The following PRKN variants were observed in gnomAD, a reference collection of about 807,000 sequenced individuals.
PRKN encodes E3 ubiquitin-protein ligase parkin.
In PRKN, 56 loss-of-function variants were observed where a neutral mutation model predicts 59.5. The observed-to-expected ratio is 0.94, with a 90% confidence interval of 0.76 to 1.18. The LOEUF (loss-of-function observed/expected upper bound fraction) is 1.18, where lower values mean the gene tolerates loss of function less well. PRKN is among the 50% of genes most tolerant of loss of function. The probability of loss-of-function intolerance (pLI) is 0.00; values close to 1 mark genes in which losing one functional copy is unlikely to be tolerated. For synonymous variants in PRKN, 250 were observed against 222.1 expected (o/e 1.13, Z -1.12); for missense variants, 657 against 596.4 (o/e 1.10, Z -1.06).
intron 7 of PRKN, among the ~76,000 whole-genome samples, chr6:161,649,220 C>T (rs1784066147): frequency 6.6e-6 from 1 of 152,206 alleles, no homozygotes; most frequent in Non-Finnish European, 1.5e-5. Flanking sequence ...ATTTGCATGA[C>T]TGACCCCCTC....
intron 5 of PRKN, among the ~76,000 whole-genome samples, chr6:161,981,686 C>G (rs56362106): frequency 0.056 from 8,451 of 152,260 alleles, 344 homozygotes; most frequent in Middle Eastern, 0.1. Context: ...GTTCGACTTA[C>G]TGGGTATTAC....
intron 4 of PRKN, among the ~76,000 whole-genome samples, chr6:162,074,711 G>A (rs921601376): frequency 4.6e-5 from 7 of 152,026 alleles, no homozygotes; most frequent in Non-Finnish European, 7.4e-5. Context: ...ATGCAGCTCC[G>A]CTGGGTTTTG....
At chr6:162,556,129 C>T (rs530045637) in intron 1 of PRKN, among the ~76,000 whole-genome samples, 83 of 152,188 alleles carry the variant, frequency 5.5e-4, no homozygotes, top group African/African-American at 1.9e-3. Flanking sequence ...TACATCCGTA[C>T]TGTGTGAAGC....
At chr6:162,075,211 A>T (rs1247544600) in intron 4 of PRKN, among the ~76,000 whole-genome samples, 1 of 152,180 alleles carries the variant, frequency 6.6e-6, no homozygotes, top group Admixed American at 6.5e-5. Context: ...AATCTATTTG[A>T]ATAATATTTA....
At chr6:162,641,245 C>T (rs1777946720) in intron 1 of PRKN, among the ~76,000 whole-genome samples, 1 of 151,854 alleles carries the variant, frequency 6.6e-6, no homozygotes, top group African/African-American at 2.4e-5. Context: ...TGAAACAAAC[C>T]CAATTATTTC....
At chr6:162,342,522 G>T (rs1211396004) in intron 2 of PRKN, among the ~76,000 whole-genome samples, 1 of 152,112 alleles carries the variant, frequency 6.6e-6, no homozygotes, top group Non-Finnish European at 1.5e-5. Context: ...TAAGAAGTCA[G>T]GTCACTTGCC....
At chr6:162,587,550 T>C (rs976596956) in intron 1 of PRKN, among the ~76,000 whole-genome samples, 1 of 152,148 alleles carries the variant, frequency 6.6e-6, no homozygotes, top group African/African-American at 2.4e-5. Flanking sequence ...CGGGAACAAA[T>C]GGTAGTCCTT....
intron 7 of PRKN, among the ~76,000 whole-genome samples, chr6:161,610,976 T>A (rs1197767324): frequency 1.3e-5 from 2 of 152,142 alleles, no homozygotes; most frequent in Non-Finnish European, 2.9e-5. Flanking sequence ...ACTGGAGCAT[T>A]TTGAGGGCGG....
intron 1 of PRKN, among the ~76,000 whole-genome samples, chr6:162,541,812 C>T (rs982135548): frequency 4.6e-5 from 7 of 151,906 alleles, no homozygotes; most frequent in Admixed American, 2.0e-4. Flanking sequence ...GAGTTAAAAA[C>T]GAAGCCACTT....
At position 161,569,312 on chromosome 6, in the gene PRKN, T is replaced by C. The variant is rs77112335; in HGVS notation, c.933+43A>G. ...GCCCAAACTGTCTCATTAGCGTCTA[T>C]CTTTCATGACAGTCTGATGCAGCCT... On this transcript the variant is annotated intron_variant, in intron 8 of 11. Transcript: ENST00000366898. 3,534 of 1,568,818 alleles carry C rather than the reference T, an allele frequency of 2.3e-3. 82 individuals are homozygous for C. The African/African-American group carries it at 0.04, about 18-fold the overall frequency.
chr6:162,439,634 A>ATTTT (rs1485266668), intron 2 of PRKN, among the ~76,000 whole-genome samples: 3 of 151,828 alleles, frequency 2.0e-5, no homozygotes, highest in Non-Finnish European at 2.9e-5. Context: ...TTATATGCAG[A>ATTTT]TTTTCTTCTG....
At chr6:162,690,957 C>T (rs529265578) in intron 1 of PRKN, among the ~76,000 whole-genome samples, 1 of 152,206 alleles carries the variant, frequency 6.6e-6, no homozygotes, top group South Asian at 2.1e-4. Context: ...TGCCTTCATG[C>T]TACAGTAAAT....
chr6:161,585,088 A>T (rs1372758293), intron 7 of PRKN, among the ~76,000 whole-genome samples: 2 of 152,218 alleles, frequency 1.3e-5, no homozygotes, highest in African/African-American at 4.8e-5. Context: ...AAGCCCGGTT[A>T]TCTAATTTAT....
At chr6:161,476,136 G>A (rs1457182957) in intron 9 of PRKN, among the ~76,000 whole-genome samples, 3 of 151,232 alleles carry the variant, frequency 2.0e-5, no homozygotes, top group Admixed American at 6.6e-5. Flanking sequence ...GCAGTGAGCC[G>A]AGATCGCGCC....
intron 7 of PRKN, among the ~76,000 whole-genome samples, chr6:161,610,752 A>G (rs929929065): frequency 6.6e-6 from 1 of 152,118 alleles, no homozygotes; most frequent in Non-Finnish European, 1.5e-5. Context: ...AGCTGTGCAC[A>G]GTGCCCAGGA....
At chr6:161,599,117 C>T (rs971552312) in intron 7 of PRKN, among the ~76,000 whole-genome samples, 1 of 152,180 alleles carries the variant, frequency 6.6e-6, no homozygotes, top group African/African-American at 2.4e-5. Context: ...TTCCCAGAGC[C>T]TTCAGAGGGA....
intron 7 of PRKN, among the ~76,000 whole-genome samples, chr6:161,636,340 G>A (rs960347039): frequency 2.6e-5 from 4 of 152,242 alleles, no homozygotes; most frequent in Non-Finnish European, 5.9e-5. Context: ...CAGAGGGCAG[G>A]AGCAGCGGGC....
At chr6:161,443,690 GA>G (rs1043645540) in intron 9 of PRKN, among the ~76,000 whole-genome samples, 20 of 151,828 alleles carry the variant, frequency 1.3e-4, no homozygotes, top group East Asian at 9.7e-4. Flanking sequence ...TAAAAAAAAA[GA>G]AAAAAAGAGA....
intron 5 of PRKN, among the ~76,000 whole-genome samples, chr6:161,987,868 T>C (rs1198528621): frequency 1.3e-5 from 2 of 152,192 alleles, no homozygotes; most frequent in East Asian, 3.9e-4. Flanking sequence ...GTATGCTGTG[T>C]TGGAGAGGCA....
Sources: gnomAD v4.1 joint callset for allele counts (sites outside exome capture counted in the v4.1 genomes callset) on GRCh38, gnomAD v4.1.1 for gene constraint, MANE v1.5 for transcripts, NCBI Gene and HGNC (gene_info 2026-07-23, HGNC 2026-07-21) for gene names.